Variants in ANKRD28 observed in about 807,000 individuals in gnomAD.
The protein encoded by ANKRD28 is ankyrin repeat domain 28.
In ANKRD28, 44 loss-of-function variants were observed where a neutral mutation model predicts 126.5. The ratio of observed to expected loss-of-function variants is 0.35; its 90% CI spans 0.27 to 0.45. The LOEUF (loss-of-function observed/expected upper bound fraction) is 0.45. ANKRD28 is among the 20% of genes least tolerant of loss of function. The probability of loss-of-function intolerance (pLI) is 1.00; values close to 1 mark genes in which losing one functional copy is unlikely to be tolerated. For synonymous variants in ANKRD28, 442 were observed against 468.5 expected (o/e 0.94, Z 0.73); for missense variants, 1,110 against 1,316.6 (o/e 0.84, Z 2.43).
intron 27 of ANKRD28, among the ~76,000 whole-genome samples, chr3:15,675,483 CCAGGACACAA>C (rs2066842998): frequency 6.6e-6 from 1 of 151,936 alleles, no homozygotes; most frequent in Non-Finnish European, 1.5e-5. Flanking sequence ...AAATGTTACT[CCAGGACACAA>C]AAGAGAACTG....
chr3:15,848,882 A>G (rs1575818345), intron 1 of ANKRD28, among the ~76,000 whole-genome samples: 1 of 152,320 alleles, frequency 6.6e-6, no homozygotes, highest in African/African-American at 2.4e-5. Context: ...TAAGCAAGAA[A>G]TAAAAAGCAT....
At chr3:15,727,579 A>G (rs2074266182) in intron 6 of ANKRD28, among the ~76,000 whole-genome samples, 4 of 151,182 alleles carry the variant, frequency 2.6e-5, no homozygotes, top group African/African-American at 7.3e-5. Context: ...AAAAAAAAAA[A>G]AAAAAAAAAA....
At chr3:15,731,427 C>G (rs2074588018) in intron 6 of ANKRD28, among the ~76,000 whole-genome samples, 1 of 152,156 alleles carries the variant, frequency 6.6e-6, no homozygotes, top group Non-Finnish European at 1.5e-5. Context: ...TTGTTCCTGT[C>G]TTGAAGAGTA....
At chr3:15,801,617 GA>G (rs940009010), upstream of ANKRD28, among the ~76,000 whole-genome samples, 1 of 151,594 alleles carries the variant, frequency 6.6e-6, no homozygotes, top group Non-Finnish European at 1.5e-5. The surrounding 1 kb of genome is among the most constrained non-coding windows in gnomAD (Gnocchi z 4.9). Context: ...TATACTTTAG[GA>G]AAAAAAAGTC....
chr3:15,745,877 T>A (rs2057445127), intron 4 of ANKRD28, among the ~76,000 whole-genome samples: 1 of 152,192 alleles, frequency 6.6e-6, no homozygotes, highest in Admixed American at 6.5e-5. Flanking sequence ...TGTCTATGAC[T>A]TTTTTCAGCC....
At chr3:15,706,009 A>G (rs2071315805) in intron 14 of ANKRD28, among the ~76,000 whole-genome samples, 1 of 150,446 alleles carries the variant, frequency 6.6e-6, no homozygotes, top group Non-Finnish European at 1.5e-5. Flanking sequence ...TCAAAACGAA[A>G]CAAAACAACA....
intron 4 of ANKRD28, among the ~76,000 whole-genome samples, chr3:15,746,175 C>G (rs2057463659): frequency 1.3e-5 from 2 of 152,278 alleles, no homozygotes; most frequent in South Asian, 4.2e-4. Context: ...TTGACTTCCT[C>G]TTTACTGATT....
intron 1 of ANKRD28, among the ~76,000 whole-genome samples, chr3:15,829,175 T>C (rs2061134509): frequency 6.6e-6 from 1 of 152,146 alleles, no homozygotes; most frequent in Admixed American, 6.5e-5. Context: ...AAAAGTATTA[T>C]TTTTAATTTA....
intron 1 of ANKRD28, among the ~76,000 whole-genome samples, chr3:15,809,041 C>T (rs1263740388): frequency 6.6e-6 from 1 of 151,512 alleles, no homozygotes; most frequent in African/African-American, 2.4e-5. Context: ...AATCTCATGT[C>T]AAAATTCTAC....
chr3:15,819,874 A>G (rs1256100134), intron 1 of ANKRD28, among the ~76,000 whole-genome samples: 1 of 152,216 alleles, frequency 6.6e-6, no homozygotes, highest in African/African-American at 2.4e-5. Context: ...TCTAATTCAG[A>G]GCTAAGGTTT....
intron 21 of ANKRD28, chr3:15,684,235 T>C (rs2067857406): frequency 6.6e-6 from 1 of 152,232 alleles, no homozygotes; most frequent in Admixed American, 6.5e-5. Flanking sequence ...ATTAGTGGCA[T>C]TTCATAAGCC....
At chr3:15,787,087 A>G (rs565281071) in intron 2 of ANKRD28, among the ~76,000 whole-genome samples, 10 of 152,158 alleles carry the variant, frequency 6.6e-5, no homozygotes, top group Non-Finnish European at 1.0e-4. Context: ...TAAATAAATT[A>G]TGCTATGAAA....
chr3:15,705,907 G>A (rs1356085578), intron 14 of ANKRD28, among the ~76,000 whole-genome samples: 1 of 152,104 alleles, frequency 6.6e-6, no homozygotes, highest in African/African-American at 2.4e-5. Flanking sequence ...GCTGAGGCAG[G>A]AGAATTGCTT....
At chr3:15,720,277 CT>C (rs1213295590) in intron 8 of ANKRD28, among the ~76,000 whole-genome samples, 4 of 151,658 alleles carry the variant, frequency 2.6e-5, no homozygotes, top group Non-Finnish European at 5.9e-5. Context: ...TTTTTTTTCC[CT>C]AACACTGTAA....
In ANKRD28 at chr3:15,853,779, T is replaced by C. The variant is rs1298826796; in HGVS notation, c.27+5598A>G. ...CCACCGCGCCCGGCCCTAAAATCAA[T>C]GTTTAATTGTATTTTCATAATGTTG... On this transcript the variant is annotated intron_variant, in intron 1 of 27. Coordinates refer to the ANKRD28 transcript ENST00000399451. The surrounding 1 kb of genome is among the most constrained non-coding windows in gnomAD (Gnocchi z 4.2). 6.6e-6 allele frequency among the ~76,000 whole-genome samples: 1 copy of C among 152,166 alleles called. No individual in the cohort carries two copies. The highest frequency in any genetic ancestry group is 1.9e-4 in the East Asian group (1 of 5,192).
At chr3:15,720,861 G>T in intron 8 of ANKRD28, 54 bp downstream of exon 8, 1 of 1,499,508 alleles carries the variant, frequency 6.7e-7, no homozygotes, top group Non-Finnish European at 9.2e-7. Context: ...CACCATTGAT[G>T]TTGTTTTAAC....
At chr3:15,855,889 C>T (rs1176574016) in intron 1 of ANKRD28, among the ~76,000 whole-genome samples, 1 of 152,194 alleles carries the variant, frequency 6.6e-6, no homozygotes, top group African/African-American at 2.4e-5. Context: ...ATACTAAAAA[C>T]CACTCAACTG....
intron 27 of ANKRD28, 117 bp downstream of exon 27, chr3:15,675,781 T>A: frequency 1.2e-6 from 1 of 841,616 alleles, no homozygotes; most frequent in Non-Finnish European, 1.7e-6. Context: ...TACTCTTCAA[T>A]ATTAACTTTA....
intron 1 of ANKRD28, among the ~76,000 whole-genome samples, chr3:15,849,852 A>G (rs2061600344): frequency 6.6e-6 from 1 of 152,130 alleles, no homozygotes; most frequent in South Asian, 2.1e-4. Flanking sequence ...GAAGATCACC[A>G]TGTATACGGA....
Sources: gnomAD v4.1 joint callset for allele counts (sites outside exome capture counted in the v4.1 genomes callset) on GRCh38, gnomAD v4.1.1 for gene constraint, Gnocchi (gnomAD v3.1) non-coding constraint, MANE v1.5 for transcripts, NCBI Gene and HGNC (gene_info 2026-07-23, HGNC 2026-07-21) for gene names.